Variants in DIAPH2 observed in about 807,000 individuals in gnomAD.
DIAPH2 encodes protein diaphanous homolog 2.
Under a neutral mutation model 92.7 loss-of-function variants are expected in DIAPH2, and 35 were observed. The observed-to-expected ratio is 0.38, with a 90% CI of 0.29 to 0.50. DIAPH2 has a LOEUF of 0.50. Among genes scored for constraint, DIAPH2 ranks in the 20% least tolerant of loss-of-function variants. The probability of loss-of-function intolerance (pLI) is 0.94; values close to 1 mark genes in which losing one functional copy is unlikely to be tolerated. For missense variants in DIAPH2, 701 were observed against 819.5 expected (o/e 0.86, Z 1.77); for synonymous variants, 301 against 280.4 (o/e 1.07, Z -0.73).
intron 1 of DIAPH2, among the ~76,000 whole-genome samples, chrX:96,695,988 A>G (rs1335349289): frequency 8.9e-6 from 1 of 112,717 alleles, no homozygotes; most frequent in Non-Finnish European, 1.9e-5. Context: ...ATTGTATTTT[A>G]TGGAATCTAA....
intron 4 of DIAPH2, among the ~76,000 whole-genome samples, chrX:96,823,969 TAAAG>T (rs2064795631): frequency 1.5e-5 from 1 of 68,941 alleles, no homozygotes; most frequent in Non-Finnish European, 2.6e-5. Flanking sequence ...TATATATAAA[TAAAG>T]AAATATATAT....
rs192043014 is a variant in DIAPH2, at chrX:96,743,157, G to T, written c.342+4395G>T. On this transcript the variant is annotated intron_variant, in intron 3 of 26. Coordinates refer to ENST00000324765, the MANE Select transcript of DIAPH2 (RefSeq NM_006729.5). The stretch of plus-strand genomic sequence containing the variant: ...GTGATTTAAAGAACTGTACAACTTT[G>T]TGCCACATTTTCTCAAATGGGAATT... Among the ~76,000 whole-genome samples, 11 of 111,637 alleles carry T rather than the reference G, an allele frequency of 9.9e-5. No homozygotes were observed. The East Asian group carries it at 2.8e-3, about 28-fold the overall frequency.
intron 22 of DIAPH2, among the ~76,000 whole-genome samples, chrX:97,160,100 C>T (rs1199719180): frequency 1.8e-4 from 3 of 16,768 alleles, no homozygotes; most frequent in South Asian, 4.1e-3. Flanking sequence ...AAGACGGGGG[C>T]GGGGCGGGGT....
intron 26 of DIAPH2, chrX:97,453,952 G>A (rs1378933965): frequency 9.0e-6 from 1 of 111,683 alleles, no homozygotes; most frequent in Non-Finnish European, 1.9e-5. Context: ...CTCTCTGAAA[G>A]TCCACTCTTC....
At chrX:97,498,547 C>T (rs1436785418) in intron 26 of DIAPH2, among the ~76,000 whole-genome samples, 1 of 111,567 alleles carries the variant, frequency 9.0e-6, no homozygotes, top group African/African-American at 3.3e-5. Context: ...ACCTCTTTAG[C>T]AGGAGACTCT....
intron 5 of DIAPH2, among the ~76,000 whole-genome samples, chrX:96,905,896 G>A (rs1249203288): frequency 1.8e-5 from 2 of 112,258 alleles, no homozygotes; most frequent in African/African-American, 6.5e-5. Flanking sequence ...TTGGGAGGCC[G>A]AAGCAGGCGG....
At chrX:97,453,519 T>A (rs2070376110) in intron 26 of DIAPH2, among the ~76,000 whole-genome samples, 2 of 111,339 alleles carry the variant, frequency 1.8e-5, no homozygotes, top group South Asian at 7.6e-4. Flanking sequence ...ATTTACATTC[T>A]TTGAACAAAT....
chrX:97,190,706 G>T (rs2067645326), intron 22 of DIAPH2, among the ~76,000 whole-genome samples: 1 of 109,464 alleles, frequency 9.1e-6, no homozygotes, highest in African/African-American at 3.3e-5. Context: ...AATTAGCCAG[G>T]TATGGTGTCA....
intron 20 of DIAPH2, among the ~76,000 whole-genome samples, chrX:97,113,401 T>C (rs1415355341): frequency 1.8e-5 from 2 of 111,681 alleles, no homozygotes; most frequent in Non-Finnish European, 3.8e-5. Context: ...GAAATAGCAG[T>C]ACAATTTGTA....
At chrX:96,790,611 G>C (rs890276698) in intron 4 of DIAPH2, among the ~76,000 whole-genome samples, 2 of 110,895 alleles carry the variant, frequency 1.8e-5, no homozygotes, top group African/African-American at 6.6e-5. Flanking sequence ...GCAAATAATT[G>C]CAGTATTGTC....
At chrX:97,376,124 A>G (rs1186909807) in intron 24 of DIAPH2, among the ~76,000 whole-genome samples, 1 of 110,836 alleles carries the variant, frequency 9.0e-6, no homozygotes, top group African/African-American at 3.3e-5. Context: ...TCCCCTCCAA[A>G]TTTACTACCT....
chrX:97,406,876 G>GTAAC (rs202045889), intron 25 of DIAPH2, among the ~76,000 whole-genome samples: 1,937 of 111,575 alleles, frequency 0.017, 49 homozygotes, highest in African/African-American at 0.058. Context: ...GGAACCTTTA[G>GTAAC]TAACCTCCTT....
chrX:96,695,202 C>T (rs1227446056), intron 1 of DIAPH2, among the ~76,000 whole-genome samples: 2 of 111,698 alleles, frequency 1.8e-5, no homozygotes, highest in Non-Finnish European at 3.8e-5. Flanking sequence ...ATGCCTGCCT[C>T]GGCCTCCCAA....
chrX:96,960,685 G>A (rs1350999144), intron 16 of DIAPH2, among the ~76,000 whole-genome samples: 2 of 111,467 alleles, frequency 1.8e-5, no homozygotes, highest in African/African-American at 6.5e-5. Context: ...CCAATTCTTA[G>A]AGGAAAGGCT....
At chrX:96,830,729 A>G (rs2064848962) in intron 4 of DIAPH2, among the ~76,000 whole-genome samples, 1 of 110,799 alleles carries the variant, frequency 9.0e-6, no homozygotes, top group South Asian at 3.8e-4. Flanking sequence ...ATAATTGGAG[A>G]TGAAATCAGC....
intron 26 of DIAPH2, among the ~76,000 whole-genome samples, chrX:97,458,198 AT>A (rs375827832): frequency 1.6e-3 from 170 of 109,626 alleles, no homozygotes; most frequent in African/African-American, 4.9e-3. Context: ...AATTGGGGGG[AT>A]TCATCTTGGA....
intron 25 of DIAPH2, among the ~76,000 whole-genome samples, chrX:97,413,019 A>G (rs1342444405): frequency 1.8e-5 from 2 of 112,084 alleles, no homozygotes; most frequent in Non-Finnish European, 3.8e-5. Flanking sequence ...TATTCCAATC[A>G]ATAGAAAAAG....
intron 22 of DIAPH2, among the ~76,000 whole-genome samples, chrX:97,142,007 C>T (rs775797442): frequency 1.8e-5 from 2 of 111,517 alleles, no homozygotes; most frequent in Non-Finnish European, 3.8e-5. Context: ...ACCACTGCTA[C>T]GTTATTAAAG....
Position 96,871,573 on chromosome X carries a change from A to G in DIAPH2, c.448-10006A>G, listed in dbSNP as rs750329877. Reference sequence around the variant, plus strand: ...AATTCCAAAATAGAGGTAACAGGCTACTAGAAGGGTTCTTACTCATTTTGT... The same window carrying G: ...AATTCCAAAATAGAGGTAACAGGCTGCTAGAAGGGTTCTTACTCATTTTGT... On this transcript the variant is annotated intron_variant, in intron 4 of 26. Coordinates refer to ENST00000324765, the MANE Select transcript of DIAPH2 (RefSeq NM_006729.5). Among the ~76,000 whole-genome samples the G allele has an allele frequency of 8.2e-5, 9 of 109,534 alleles. No homozygotes were observed. The South Asian group carries it at 2.8e-3, about 34-fold the overall frequency.
Sources: allele counts gnomAD v4.1 joint callset (sites outside exome capture counted in the v4.1 genomes callset), GRCh38; gene constraint gnomAD v4.1.1; transcripts MANE v1.5; gene names NCBI Gene and HGNC (gene_info 2026-07-23, HGNC 2026-07-21).